ETFRF1: variants seen among roughly 807,000 people sequenced by gnomAD.
The protein encoded by ETFRF1 is LYR motif containing 5.
ETFRF1 carries 12 observed loss-of-function variants against 9.0 expected under a neutral mutation model. The ratio of observed to expected loss-of-function variants is 1.34; its 90% CI spans 0.86 to 2.16. The LOEUF (loss-of-function observed/expected upper bound fraction) is 2.16, where lower values mean the gene tolerates loss of function less well. ETFRF1 is among the 30% of genes most tolerant of loss of function. The pLI is 0.00. For synonymous variants in ETFRF1, 34 were observed against 33.2 expected, an observed-to-expected ratio of 1.02 and a Z score of -0.08; for missense variants, 98 against 101.8, an observed-to-expected ratio of 0.96 and a Z score of 0.16.
Position 25,204,836 on chromosome 12 carries a change from A to C in ETFRF1, c.*524A>C, listed in dbSNP as rs1310349524. 5.2e-6 allele frequency: 1 copy of C among 193,546 alleles called. No homozygotes were observed. Among genetic ancestry groups the C allele is most frequent in the Non-Finnish European group, 1.1e-5 (1 of 92,440 alleles). 12.0% of individuals were successfully genotyped at this position (193,546 alleles called of 1,614,324 possible). ...TTATAGAAATAAATAATATGTATGGAGTCATTACTTCTGACCTTGAAATAG... is the reference window on the plus strand; with the variant it reads ...TTATAGAAATAAATAATATGTATGGCGTCATTACTTCTGACCTTGAAATAG... On this transcript the variant is annotated 3_prime_UTR_variant, in exon 3 of 3. Transcript: ENST00000381356.
Position 25,204,116 on chromosome 12 carries a change from CA to C in ETFRF1, c.81del (p.Gly28GlufsTer9). 1 of 1,595,800 alleles carries C rather than the reference CA, an allele frequency of 6.3e-7. No individual in the cohort carries two copies. Among genetic ancestry groups the C allele is most frequent in the East Asian group, 2.3e-5 (1 of 44,404 alleles). ...KNLLYLGRDY[P>X]KGADYFKKRL... ...CTGCTGTATCTTGGACGAGACTATC[CA>C]AAAGGAGCAGACTATTTTAAAAAGC... On this transcript the variant is annotated frameshift_variant, in exon 3 of 3. Transcript: ENST00000381356.
In ETFRF1 at chr12:25,204,233, A is replaced by T; in HGVS notation, c.194A>T (p.Glu65Val). ...LIAQGEFVMK[E>V]LEALYFLRKY... is the part of the protein sequence containing the mutation. ...GCACAGGGCGAATTTGTAATGAAAGAGCTAGAAGCTTTGTACTTCCTTAGG... is the reference window on the plus strand; with the variant it reads ...GCACAGGGCGAATTTGTAATGAAAGTGCTAGAAGCTTTGTACTTCCTTAGG... The change falls in exon 3 of 3, where the codon GAG becomes GTG. Residue 65 changes from glutamate (E) to valine (V), a missense_variant. Physicochemically the swap from Glu to Val is moderately radical, Grantham distance 121 (BLOSUM62 -2). Transcript: ENST00000381356. 2 of 1,611,506 alleles carry T rather than the reference A, an allele frequency of 1.2e-6. No individual in the cohort carries two copies. The highest frequency in any genetic ancestry group is 1.7e-6 in the Non-Finnish European group (2 of 1,179,158).
At chr12:25,200,300 A>G (rs1951065083) in intron 1 of ETFRF1, among the ~76,000 whole-genome samples, 1 of 152,218 alleles carries the variant, frequency 6.6e-6, no homozygotes, top group Non-Finnish European at 1.5e-5. Flanking sequence ...AAGTTCCAGG[A>G]AGGGAGAAAA....
intron 1 of ETFRF1, among the ~76,000 whole-genome samples, chr12:25,202,129 G>A (rs1043998746): frequency 6.7e-6 from 1 of 149,330 alleles, no homozygotes; most frequent in African/African-American, 2.5e-5. Flanking sequence ...GCTTACTGGG[G>A]AGACTGAGGC....
chr12:25,200,943 C>A (rs1951069284), intron 1 of ETFRF1, among the ~76,000 whole-genome samples: 1 of 152,146 alleles, frequency 6.6e-6, no homozygotes, highest in Non-Finnish European at 1.5e-5. Flanking sequence ...CACTAAGATC[C>A]CTGCTGCCAT....
At chr12:25,199,122 A>T (rs1951053713) in intron 1 of ETFRF1, among the ~76,000 whole-genome samples, 1 of 151,684 alleles carries the variant, frequency 6.6e-6, no homozygotes, top group Non-Finnish European at 1.5e-5. Context: ...TAATTCGATA[A>T]ATTTGGTTCA....
At chr12:25,199,925 AAAGGCTGGGCGCAGAGGC>A (rs1951061809) in intron 1 of ETFRF1, among the ~76,000 whole-genome samples, 1 of 152,106 alleles carries the variant, frequency 6.6e-6, no homozygotes, top group Non-Finnish European at 1.5e-5. Context: ...CAACTAAATA[AAAGGCTGGGCGCAGAGGC>A]ACACACCTGT....
chr12:25,198,881 G>A (rs565506985), intron 1 of ETFRF1, among the ~76,000 whole-genome samples: 105 of 152,220 alleles, frequency 6.9e-4, no homozygotes, highest in African/African-American at 2.4e-3. Flanking sequence ...GTATATTCCA[G>A]GGTTCCTTCC....
Position 25,204,892 on chromosome 12 carries a change from C to G in ETFRF1, c.*580C>G. 1 of 199,890 alleles carries G rather than the reference C, an allele frequency of 5.0e-6. No individual in the cohort carries two copies. Among genetic ancestry groups the G allele is most frequent in the Non-Finnish European group, 1.0e-5 (1 of 96,378 alleles). The allele number at this position is 199,890 out of a possible 1,614,324, so 12.4% of individuals were successfully genotyped here. On this transcript the variant is annotated 3_prime_UTR_variant, in exon 3 of 3. Coordinates refer to ENST00000381356, the MANE Select transcript of ETFRF1 (RefSeq NM_001001660.3). ...TGGTGACTGGCATTAACATACATAA[C>G]TAACTATTCAATTATTTCCATTATT...
intron 1 of ETFRF1, 181 bp from the exon 2 acceptor site, chr12:25,203,739 T>C: frequency 2.6e-6 from 1 of 385,252 alleles, no homozygotes; most frequent in East Asian, 4.1e-5. Context: ...ACGTCAATTA[T>C]GACAGCAGGT....
At chr12:25,203,864 T>C in intron 1 of ETFRF1, 56 bp from the exon 2 acceptor site, 1 of 1,005,644 alleles carries the variant, frequency 9.9e-7, no homozygotes, top group Non-Finnish European at 1.4e-6. Context: ...ATAACCTTTT[T>C]TTATTTTTTT....
At chr12:25,203,260 TCTACAAAGTAGA>T (rs1015948178) in intron 1 of ETFRF1, among the ~76,000 whole-genome samples, 8 of 152,330 alleles carry the variant, frequency 5.3e-5, no homozygotes, top group Non-Finnish European at 8.8e-5. Flanking sequence ...TGGAGCCTCC[TCTACAAAGTAGA>T]GTTAACACAT....
intron 1 of ETFRF1, among the ~76,000 whole-genome samples, chr12:25,202,665 G>A (rs1049081810): frequency 5.9e-5 from 9 of 152,034 alleles, no homozygotes; most frequent in African/African-American, 1.5e-4. Flanking sequence ...GAGTGTGTGC[G>A]CCGAATGGTG....
At chr12:25,199,894 A>G (rs774427502) in intron 1 of ETFRF1, among the ~76,000 whole-genome samples, 1 of 152,200 alleles carries the variant, frequency 6.6e-6, no homozygotes, top group Non-Finnish European at 1.5e-5. Flanking sequence ...TTGGAAGAAG[A>G]AAATGAGAAA....
At chr12:25,199,619 T>TACACACACACACACACAC (rs56221882) in intron 1 of ETFRF1, among the ~76,000 whole-genome samples, 2,839 of 143,564 alleles carry the variant, frequency 0.02, 44 homozygotes, top group Non-Finnish European at 0.026. Context: ...TATGTATACA[T>TACACACACACACACACAC]ACACACACAC....
intron 1 of ETFRF1, among the ~76,000 whole-genome samples, chr12:25,199,196 T>A (rs1305034477): frequency 1.3e-5 from 2 of 149,430 alleles, no homozygotes; most frequent in African/African-American, 2.4e-5. Context: ...ATACTACATA[T>A]AGTATAATAT....
chr12:25,204,590 C>T lies in ETFRF1; in HGVS notation c.*278C>T, dbSNP rs1386183337. ...AAATATAATACACTTAATCCTCTAA[C>T]TTAATAGGACTTAGCCAATTATTTT... On this transcript the variant is annotated 3_prime_UTR_variant, in exon 3 of 3. Coordinates refer to ENST00000381356, the MANE Select transcript of ETFRF1 (RefSeq NM_001001660.3). The T allele has an allele frequency of 7.8e-6, 2 of 256,308 alleles. No homozygotes were observed. Among genetic ancestry groups the T allele is most frequent in the East Asian group, 6.5e-5 (1 of 15,362 alleles). 15.9% of individuals were successfully genotyped at this position (256,308 alleles called of 1,614,324 possible).
intron 1 of ETFRF1, among the ~76,000 whole-genome samples, chr12:25,198,762 AAG>A (rs1951051473): frequency 6.6e-6 from 1 of 152,204 alleles, no homozygotes; most frequent in African/African-American, 2.4e-5. Flanking sequence ...TTCCCTAGGA[AAG>A]AGGAGCCAGA....
intron 1 of ETFRF1, among the ~76,000 whole-genome samples, chr12:25,198,790 T>C (rs1951051696): frequency 1.3e-5 from 2 of 152,218 alleles, no homozygotes; most frequent in African/African-American, 2.4e-5. Flanking sequence ...AGTAAATGTA[T>C]GACCTTCAGT....
Sources: allele counts gnomAD v4.1 joint callset (sites outside exome capture counted in the v4.1 genomes callset), GRCh38; gene constraint gnomAD v4.1.1; transcripts MANE v1.5; gene names NCBI Gene and HGNC (gene_info 2026-07-23, HGNC 2026-07-21).